RAPGEF6: variants seen among roughly 807,000 people sequenced by gnomAD.
RAPGEF6 encodes the protein Rap guanine nucleotide exchange factor 6, also known as PDZ domain containing guanine nucleotide exchange factor (GEF) 2.
RAPGEF6 carries 56 observed loss-of-function variants against 171.4 expected under a neutral mutation model. The observed-to-expected ratio is 0.33, with a 90% confidence interval of 0.26 to 0.41. RAPGEF6 has a LOEUF of 0.41. RAPGEF6 is among the 10% of genes least tolerant of loss of function. RAPGEF6 has a pLI of 1.00. For missense variants in RAPGEF6, 1,674 were observed against 1,921.4 expected (o/e 0.87, Z 2.41); for synonymous variants, 692 against 650.1 (o/e 1.06, Z -0.98).
Position 131,423,989 on chromosome 5 carries a change from C to T in RAPGEF6, c.*3277G>A, listed in dbSNP as rs1751284921. ...ATGATAATAATAAATGGTATTTTTA[C>T]ATTCTCTTAACCAAAAATATAACAA... is the stretch of plus-strand genomic sequence containing the variant. On this transcript the variant is annotated 3_prime_UTR_variant, in exon 28 of 28. Coordinates refer to ENST00000509018, the MANE Select transcript of RAPGEF6 (RefSeq NM_016340.6). 6.6e-6 allele frequency: 1 copy of T among 152,268 alleles called. No individual in the cohort carries two copies. The allele number at this position is 152,268 out of a possible 1,614,324, so 9.4% of individuals were successfully genotyped here.
Position 131,572,943 on chromosome 5 carries a change from T to G in RAPGEF6, c.282-10896A>C, listed in dbSNP as rs117036319. Among the ~76,000 whole-genome samples, 262 of 152,248 alleles carry G rather than the reference T, an allele frequency of 1.7e-3. No individual in the cohort carries two copies. The East Asian group carries it at 0.018, about 10-fold the overall frequency. On this transcript the variant is annotated intron_variant, in intron 4 of 27. Coordinates refer to ENST00000509018, the MANE Select transcript of RAPGEF6 (RefSeq NM_016340.6). Reference sequence around the variant, plus strand: ...AAACCTAGATAATTTTTGTCAAAAATTGCGCAAATGGTCTGAGGTGCCTTA... The same window carrying G: ...AAACCTAGATAATTTTTGTCAAAAAGTGCGCAAATGGTCTGAGGTGCCTTA...
chr5:131,479,264 A>G (rs1755308957), intron 16 of RAPGEF6, among the ~76,000 whole-genome samples: 1 of 152,194 alleles, frequency 6.6e-6, no homozygotes, highest in Non-Finnish European at 1.5e-5. Context: ...TTAAAAATGG[A>G]TTTCATAAAA....
intron 6 of RAPGEF6, chr5:131,532,166 G>A (rs1425246575): frequency 6.7e-6 from 3 of 450,714 alleles, no homozygotes; most frequent in Non-Finnish European, 1.3e-5. Flanking sequence ...TCCTAGGCTG[G>A]AAAGGGTAGT....
chr5:131,519,444 C>T (rs1758327202), intron 7 of RAPGEF6, among the ~76,000 whole-genome samples: 1 of 152,148 alleles, frequency 6.6e-6, no homozygotes, highest in African/African-American at 2.4e-5. Flanking sequence ...CTCTGTCGGC[C>T]AGGCTGGAGT....
chr5:131,606,716 C>T (rs1241853748), intron 1 of RAPGEF6, among the ~76,000 whole-genome samples: 1 of 152,172 alleles, frequency 6.6e-6, no homozygotes, highest in African/African-American at 2.4e-5. Flanking sequence ...GTGACTTGTT[C>T]TGACCAAAAG....
Position 131,544,971 on chromosome 5 carries a change from C to T in RAPGEF6, c.495+3076G>A, listed in dbSNP as rs918477469. Among the ~76,000 whole-genome samples the T allele has an allele frequency of 1.8e-4, 28 of 152,104 alleles. 1 individual carries two copies. The highest frequency in any genetic ancestry group is 1.8e-3 in the Admixed American group (28 of 15,264). On this transcript the variant is annotated intron_variant, in intron 6 of 27. Coordinates refer to ENST00000509018, the MANE Select transcript of RAPGEF6 (RefSeq NM_016340.6). The stretch of plus-strand genomic sequence containing the variant: ...TGCTGGGATTTCAGGCATGAGCCAC[C>T]ACGCCTGGCCCAAACTGTGCACTTT...
At chr5:131,469,062 G>T (rs972974278) in intron 17 of RAPGEF6, among the ~76,000 whole-genome samples, 2 of 152,116 alleles carry the variant, frequency 1.3e-5, no homozygotes, top group African/African-American at 4.8e-5. Context: ...TCTACTAATG[G>T]GGACTGCTTA....
chr5:131,487,698 A>G (rs1335289083), intron 15 of RAPGEF6, among the ~76,000 whole-genome samples: 1 of 152,160 alleles, frequency 6.6e-6, no homozygotes, highest in Non-Finnish European at 1.5e-5. Context: ...CCGAGTCCCT[A>G]CTTGACCCAG....
chr5:131,588,928 G>A (rs1191162310), intron 4 of RAPGEF6, among the ~76,000 whole-genome samples: 1 of 151,880 alleles, frequency 6.6e-6, no homozygotes, highest in Non-Finnish European at 1.5e-5. Flanking sequence ...AAATTAGCCG[G>A]GCATGGTGGT....
chr5:131,559,364 C>T (rs138557101), intron 5 of RAPGEF6, among the ~76,000 whole-genome samples: 1 of 152,088 alleles, frequency 6.6e-6, no homozygotes, highest in African/African-American at 2.4e-5. Flanking sequence ...AAATAAAAAT[C>T]TCCCACTGTG....
chr5:131,538,843 T>C (rs2149935941), intron 6 of RAPGEF6, among the ~76,000 whole-genome samples: 1 of 152,368 alleles, frequency 6.6e-6, no homozygotes, highest in Admixed American at 6.5e-5. Flanking sequence ...GTTGTATCAC[T>C]TCTATGCTTT....
intron 6 of RAPGEF6, among the ~76,000 whole-genome samples, chr5:131,543,649 G>C (rs535141453): frequency 5.9e-5 from 9 of 152,274 alleles, no homozygotes; most frequent in African/African-American, 2.2e-4. Context: ...CATTTTTAGA[G>C]GTGAAGCACC....
At chr5:131,625,598 G>A (rs978034550) in intron 1 of RAPGEF6, among the ~76,000 whole-genome samples, 10 of 152,070 alleles carry the variant, frequency 6.6e-5, no homozygotes, top group African/African-American at 1.9e-4. Flanking sequence ...GGTGGATCAC[G>A]AGGTCGGGAG....
At chr5:131,466,341 T>C (rs1450142122) in intron 17 of RAPGEF6, among the ~76,000 whole-genome samples, 1 of 151,768 alleles carries the variant, frequency 6.6e-6, no homozygotes, top group Non-Finnish European at 1.5e-5. Flanking sequence ...TTCATTCTGA[T>C]GAGCCAATAC....
In RAPGEF6 at chr5:131,426,032, A is replaced by ATT; in HGVS notation, c.*1233_*1234insAA. Reference sequence around the variant, plus strand: ...TGTGAAAAATCTGCCTCATCCAGTAAACAGTCACTGAAATTTTAATTAAGA... The same window carrying ATT: ...TGTGAAAAATCTGCCTCATCCAGTAATTACAGTCACTGAAATTTTAATTAAGA... On this transcript the variant is annotated 3_prime_UTR_variant, in exon 28 of 28. Coordinates refer to ENST00000509018, the MANE Select transcript of RAPGEF6 (RefSeq NM_016340.6). The ATT allele has an allele frequency of 6.6e-6, 1 of 152,084 alleles. No individual in the cohort carries two copies. The highest frequency in any genetic ancestry group is 1.9e-4 in the East Asian group (1 of 5,334). 9.4% of individuals were successfully genotyped at this position (152,084 alleles called of 1,614,324 possible).
chr5:131,617,472 G>C (rs1765341799), intron 1 of RAPGEF6, among the ~76,000 whole-genome samples: 1 of 152,132 alleles, frequency 6.6e-6, no homozygotes, highest in Non-Finnish European at 1.5e-5. Flanking sequence ...GTTTTTTTGA[G>C]ACAGAGTTTC....
intron 15 of RAPGEF6, among the ~76,000 whole-genome samples, chr5:131,489,213 C>T (rs1756122010): frequency 6.6e-6 from 1 of 152,128 alleles, no homozygotes; most frequent in Admixed American, 6.5e-5. Flanking sequence ...GGAAAAAATG[C>T]CTGATTATGA....
At chr5:131,434,004 T>C (rs1751872679) in intron 24 of RAPGEF6, among the ~76,000 whole-genome samples, 1 of 152,160 alleles carries the variant, frequency 6.6e-6, no homozygotes, top group Non-Finnish European at 1.5e-5. Flanking sequence ...TATTAATAAG[T>C]ACATGTCTTT....
At chr5:131,477,136 T>C (rs1246796286) in intron 16 of RAPGEF6, among the ~76,000 whole-genome samples, 1 of 152,182 alleles carries the variant, frequency 6.6e-6, no homozygotes, top group Non-Finnish European at 1.5e-5. Flanking sequence ...GCAGAAGGAA[T>C]TGTCTGAATT....
Sources: gnomAD v4.1 joint callset for allele counts (sites outside exome capture counted in the v4.1 genomes callset) on GRCh38, gnomAD v4.1.1 for gene constraint, MANE v1.5 for transcripts, NCBI Gene and HGNC (gene_info 2026-07-23, HGNC 2026-07-21) for gene names.